Variants in CSMD1 observed in about 807,000 individuals in gnomAD.
CSMD1 encodes the protein CUB and sushi domain-containing protein 1.
CSMD1 carries 213 observed loss-of-function variants against 417.5 expected under a neutral mutation model. The observed-to-expected ratio is 0.51, with a 90% confidence interval of 0.46 to 0.57. The LOEUF is 0.57. Among genes scored for constraint, CSMD1 ranks in the 20% least tolerant of loss-of-function variants. The pLI is 0.00. For synonymous variants in CSMD1, 2,862 were observed against 1,736.8 expected, an observed-to-expected ratio of 1.65 and a Z score of -16.11; for missense variants, 6,923 against 4,529.7, an observed-to-expected ratio of 1.53 and a Z score of -15.17.
chr8:3,599,889 C>T (rs1465269296), intron 8 of CSMD1, among the ~76,000 whole-genome samples: 3 of 152,176 alleles, frequency 2.0e-5, no homozygotes, highest in African/African-American at 7.2e-5. Flanking sequence ...AGATGGTTGA[C>T]TACCTTCCCC....
intron 3 of CSMD1, among the ~76,000 whole-genome samples, chr8:4,269,265 C>G (rs965510868): frequency 5.3e-5 from 8 of 152,100 alleles, no homozygotes; most frequent in Non-Finnish European, 2.9e-5. Flanking sequence ...CCATGTTGCC[C>G]AGGCTGGTCT....
intron 29 of CSMD1, among the ~76,000 whole-genome samples, chr8:3,215,403 G>T (rs1797825618): frequency 6.6e-6 from 1 of 152,140 alleles, no homozygotes; most frequent in African/African-American, 2.4e-5. Flanking sequence ...TTTATTGAGG[G>T]CTCATTATGT....
intron 15 of CSMD1, among the ~76,000 whole-genome samples, chr8:3,401,499 A>T (rs1812036011): frequency 6.6e-6 from 1 of 152,116 alleles, no homozygotes; most frequent in Non-Finnish European, 1.5e-5. Flanking sequence ...ATTTACACTA[A>T]AATAATAATG....
At chr8:4,943,064 T>A (rs1209302227) in intron 1 of CSMD1, among the ~76,000 whole-genome samples, 1 of 152,162 alleles carries the variant, frequency 6.6e-6, no homozygotes, top group Non-Finnish European at 1.5e-5. Flanking sequence ...GACATGAAAG[T>A]AATTGTTCAT....
intron 10 of CSMD1, among the ~76,000 whole-genome samples, chr8:3,538,512 G>C (rs116052447): frequency 0.012 from 1,775 of 152,262 alleles, 39 homozygotes; most frequent in African/African-American, 0.04. Flanking sequence ...CCTCACCTGA[G>C]ATGCCCCACC....
intron 3 of CSMD1, among the ~76,000 whole-genome samples, chr8:4,390,615 G>A (rs1021349947): frequency 1.1e-4 from 17 of 151,942 alleles, no homozygotes; most frequent in Admixed American, 5.2e-4. Flanking sequence ...CCGGACTCAC[G>A]CCATTCTCCT....
chr8:3,162,056 T>G, intron 38 of CSMD1, 103 bp downstream of exon 38: 7 of 727,118 alleles, frequency 9.6e-6, no homozygotes, highest in Admixed American at 4.4e-5. Context: ...ATTCACAAAC[T>G]GAGTGAGGAA....
At chr8:4,351,180 C>T (rs898049512) in intron 3 of CSMD1, among the ~76,000 whole-genome samples, 5 of 151,554 alleles carry the variant, frequency 3.3e-5, no homozygotes, top group Admixed American at 3.3e-4. Flanking sequence ...AGGGAAAGAA[C>T]AAATGACTTC....
At chr8:4,205,032 G>A (rs530175168) in intron 3 of CSMD1, among the ~76,000 whole-genome samples, 2 of 152,064 alleles carry the variant, frequency 1.3e-5, no homozygotes, top group Non-Finnish European at 1.5e-5. Flanking sequence ...TCAAGCAAGA[G>A]TAATTTACCT....
intron 1 of CSMD1, among the ~76,000 whole-genome samples, chr8:4,942,673 G>A (rs188902673): frequency 7.2e-5 from 11 of 152,230 alleles, no homozygotes; most frequent in South Asian, 2.1e-4. Context: ...GTGAGTCACC[G>A]CATATCACAC....
At chr8:3,848,027 A>G (rs1301330395) in intron 5 of CSMD1, among the ~76,000 whole-genome samples, 1 of 144,080 alleles carries the variant, frequency 6.9e-6, no homozygotes, top group Non-Finnish European at 1.5e-5. Flanking sequence ...TTCCTGACAC[A>G]TGTTTTTATT....
At chr8:4,200,212 A>C (rs956863283) in intron 3 of CSMD1, among the ~76,000 whole-genome samples, 1 of 152,188 alleles carries the variant, frequency 6.6e-6, no homozygotes, top group Non-Finnish European at 1.5e-5. Context: ...TTATGTTATG[A>C]AATTCTGGCC....
intron 41 of CSMD1, among the ~76,000 whole-genome samples, chr8:3,126,253 AT>A (rs1332496663): frequency 1.2e-4 from 19 of 152,316 alleles, no homozygotes; most frequent in African/African-American, 3.4e-4. Flanking sequence ...GTTGGCATAT[AT>A]TAGTTCAGTA....
At chr8:2,948,427 T>C (rs1246454519) in intron 68 of CSMD1, among the ~76,000 whole-genome samples, 1 of 151,866 alleles carries the variant, frequency 6.6e-6, no homozygotes, top group East Asian at 1.9e-4. Flanking sequence ...AAGGCAAAAA[T>C]CAAATAGTAC....
chr8:4,278,872 A>G (rs1018276828), intron 3 of CSMD1, among the ~76,000 whole-genome samples: 4 of 152,200 alleles, frequency 2.6e-5, no homozygotes, highest in South Asian at 2.1e-4. Context: ...TGCAGTATGT[A>G]TGTAATAAAG....
intron 3 of CSMD1, among the ~76,000 whole-genome samples, chr8:4,193,509 G>A (rs906585934): frequency 1.3e-5 from 2 of 152,070 alleles, no homozygotes; most frequent in African/African-American, 4.8e-5. Context: ...CTTCAGTCTT[G>A]CTGATATTAC....
chr8:3,551,383 G>C (rs942127099), intron 10 of CSMD1, among the ~76,000 whole-genome samples: 1 of 152,072 alleles, frequency 6.6e-6, no homozygotes, highest in African/African-American at 2.4e-5. Context: ...CCTAAGAGTA[G>C]ATGCAGGGGG....
intron 1 of CSMD1, among the ~76,000 whole-genome samples, chr8:4,848,196 G>A (rs1801255242): frequency 6.6e-6 from 1 of 152,148 alleles, no homozygotes; most frequent in Non-Finnish European, 1.5e-5. Context: ...TATGGAAATG[G>A]CACAGTTTGT....
intron 4 of CSMD1, among the ~76,000 whole-genome samples, chr8:4,014,626 A>C (rs907343093): frequency 3.3e-5 from 5 of 152,190 alleles, no homozygotes; most frequent in Non-Finnish European, 7.3e-5. Flanking sequence ...AGCCCAACTT[A>C]ACAAATTCAG....
Sources: gnomAD v4.1 joint callset for allele counts (sites outside exome capture counted in the v4.1 genomes callset) on GRCh38, gnomAD v4.1.1 for gene constraint, MANE v1.5 for transcripts, NCBI Gene and HGNC (gene_info 2026-07-23, HGNC 2026-07-21) for gene names.